BICD1: variants seen among roughly 807,000 people sequenced by gnomAD.
BICD1 encodes protein bicaudal D homolog 1.
A neutral mutation model predicts 92.5 loss-of-function variants in BICD1; 35 were observed. That is an observed-to-expected ratio of 0.38 (90% CI 0.29 to 0.50). BICD1 has a LOEUF of 0.50. BICD1 is among the 20% of genes least tolerant of loss of function. The probability of loss-of-function intolerance (pLI) is 0.93; values close to 1 mark genes in which losing one functional copy is unlikely to be tolerated. For synonymous variants in BICD1, 429 were observed against 465.1 expected (o/e 0.92, Z 1.00); for missense variants, 950 against 1,189.8 (o/e 0.80, Z 2.97).
chr12:32,130,525 G>A (rs753034624), intron 1 of BICD1, among the ~76,000 whole-genome samples: 10 of 152,154 alleles, frequency 6.6e-5, no homozygotes, highest in Non-Finnish European at 1.2e-4. Flanking sequence ...ATACAGTGTC[G>A]GAAAGTGTGT....
chr12:32,289,983 G>A (rs985190246), intron 2 of BICD1, among the ~76,000 whole-genome samples: 13 of 152,202 alleles, frequency 8.5e-5, no homozygotes, highest in African/African-American at 3.1e-4. Context: ...ACAGAGGGAA[G>A]CTGTAAAGGG....
chr12:32,375,177 G>T (rs1056291163), intron 9 of BICD1, among the ~76,000 whole-genome samples: 66 of 151,668 alleles, frequency 4.4e-4, no homozygotes, highest in Middle Eastern at 6.8e-3. Context: ...CGCCCGCCTT[G>T]GCCTCCTGAA....
At position 32,381,042 on chromosome 12, in the gene BICD1, A is replaced by T. The variant is rs978885596; in HGVS notation, c.*3415A>T. 5 of 152,084 alleles carry T rather than the reference A, an allele frequency of 3.3e-5. No homozygotes were observed. Among genetic ancestry groups the T allele is most frequent in the African/African-American group, 1.2e-4 (5 of 41,434 alleles). 9.4% of individuals were successfully genotyped at this position (152,084 alleles called of 1,614,324 possible). On this transcript the variant is annotated 3_prime_UTR_variant, in exon 10 of 10. Coordinates refer to ENST00000652176, the MANE Select transcript of BICD1 (RefSeq NM_001714.4). ...AAGTATTAAGTGGCAAGATAGGAGAATGCATTTCAGTTCTGGGAGCTCATA... is the reference window on the plus strand; with the variant it reads ...AAGTATTAAGTGGCAAGATAGGAGATTGCATTTCAGTTCTGGGAGCTCATA...
At chr12:32,243,145 C>T (rs900747176) in intron 2 of BICD1, among the ~76,000 whole-genome samples, 5 of 151,452 alleles carry the variant, frequency 3.3e-5, no homozygotes, top group East Asian at 3.9e-4. Context: ...TTGCCCAGGC[C>T]GGAGTGCAGT....
intron 1 of BICD1, among the ~76,000 whole-genome samples, chr12:32,136,949 G>C (rs1202531652): frequency 6.6e-6 from 1 of 152,068 alleles, no homozygotes; most frequent in Non-Finnish European, 1.5e-5. Context: ...CTTTATTTAG[G>C]AGCTATATTA....
intron 1 of BICD1, among the ~76,000 whole-genome samples, chr12:32,206,457 T>C (rs890111036): frequency 6.6e-6 from 1 of 151,956 alleles, no homozygotes; most frequent in African/African-American, 2.4e-5. Flanking sequence ...AATACAAAAA[T>C]TAGCTGGGTG....
chr12:32,358,817 G>GT (rs1939217908), intron 8 of BICD1, among the ~76,000 whole-genome samples: 1 of 152,160 alleles, frequency 6.6e-6, no homozygotes, highest in African/African-American at 2.4e-5. Context: ...ATCTCATAGA[G>GT]TTTTTACAAG....
rs117726023 is a variant in BICD1, at chr12:32,224,671, C to T, written c.426+8212C>T. Among the ~76,000 whole-genome samples the T allele has an allele frequency of 5.6e-3, 849 of 152,256 alleles. 6 individuals are homozygous for T. The highest frequency in any genetic ancestry group is 0.018 in the East Asian group (93 of 5,176). On this transcript the variant is annotated intron_variant, in intron 2 of 9. Transcript: ENST00000652176. The stretch of plus-strand genomic sequence containing the variant: ...TAAGGATTAGTTTGCAATTCAGGCT[C>T]ATAGAATTTTTGTGTGTGTGTATAC...
chr12:32,229,095 C>CA (rs1238151387), intron 2 of BICD1, among the ~76,000 whole-genome samples: 1 of 151,936 alleles, frequency 6.6e-6, no homozygotes, highest in Non-Finnish European at 1.5e-5. Context: ...ACTAAAAATA[C>CA]AAAAAATTAG....
At chr12:32,317,673 C>T (rs1394351051) in intron 4 of BICD1, among the ~76,000 whole-genome samples, 1 of 152,182 alleles carries the variant, frequency 6.6e-6, no homozygotes, top group Non-Finnish European at 1.5e-5. Flanking sequence ...CCTGTTCACT[C>T]TGATAGTAGT....
intron 8 of BICD1, chr12:32,352,672 A>T (rs1222678030): frequency 6.6e-6 from 1 of 152,028 alleles, no homozygotes; most frequent in Non-Finnish European, 1.5e-5. Flanking sequence ...ACAAAGAGAA[A>T]ATTAGTCTGT....
intron 1 of BICD1, among the ~76,000 whole-genome samples, chr12:32,199,961 C>T (rs1233029252): frequency 6.6e-6 from 1 of 152,116 alleles, no homozygotes. Flanking sequence ...CGTTACATTC[C>T]AGCCTTTGTA....
intron 2 of BICD1, among the ~76,000 whole-genome samples, chr12:32,275,186 A>G (rs1434227061): frequency 2.0e-5 from 3 of 152,210 alleles, no homozygotes; most frequent in Non-Finnish European, 4.4e-5. Context: ...TTACACGTAT[A>G]AATAAAATAC....
chr12:32,256,713 G>C (rs1240338793), intron 2 of BICD1, among the ~76,000 whole-genome samples: 1 of 152,182 alleles, frequency 6.6e-6, no homozygotes, highest in Non-Finnish European at 1.5e-5. Flanking sequence ...CCAATTGGCT[G>C]TGTCACTGTG....
intron 1 of BICD1, among the ~76,000 whole-genome samples, chr12:32,204,811 G>A (rs1393398824): frequency 6.6e-6 from 1 of 152,150 alleles, no homozygotes; most frequent in Non-Finnish European, 1.5e-5. Context: ...AATGTTCAAG[G>A]GGAATGCAGT....
In BICD1 at chr12:32,321,970, G is replaced by T. The variant is rs550281231; in HGVS notation, c.1006-5491G>T. Among the ~76,000 whole-genome samples, 67 of 152,272 alleles carry T rather than the reference G, an allele frequency of 4.4e-4. No homozygotes were observed. In the South Asian group the frequency reaches 0.014, roughly 31 times the overall value. ...GCCGAGATCACACCATTGCACTCCA[G>T]CCTGGGCGACAGAGTGAGACTCCGT... On this transcript the variant is annotated intron_variant, in intron 4 of 9. Transcript: ENST00000652176.
In BICD1 at chr12:32,190,745, G is replaced by C. The variant is rs565634138; in HGVS notation, c.214-25502G>C. Among the ~76,000 whole-genome samples, 8 of 152,236 alleles carry C rather than the reference G, an allele frequency of 5.3e-5. No individual in the cohort carries two copies. The South Asian group carries it at 8.3e-4, about 16-fold the overall frequency. On this transcript the variant is annotated intron_variant, in intron 1 of 9. Transcript: ENST00000652176. ...CCTGAATAACATTATAGACCAAGTG[G>C]ACCTAACAGACATACACAGACCATC... is the stretch of plus-strand genomic sequence containing the variant.
intron 3 of BICD1, among the ~76,000 whole-genome samples, chr12:32,305,418 T>C (rs1948185603): frequency 6.6e-6 from 1 of 151,728 alleles, no homozygotes; most frequent in African/African-American, 2.4e-5. Flanking sequence ...AAAATTGAAT[T>C]ATATAGAGAG....
At chr12:32,339,189 C>G (rs1938258180) in intron 8 of BICD1, 1 of 1,284,164 alleles carries the variant, frequency 7.8e-7, no homozygotes, top group African/African-American at 1.6e-5. Context: ...CATTTAACAG[C>G]CAAAGATGGC....
Sources: allele counts gnomAD v4.1 joint callset (sites outside exome capture counted in the v4.1 genomes callset), GRCh38; gene constraint gnomAD v4.1.1; transcripts MANE v1.5; gene names NCBI Gene and HGNC (gene_info 2026-07-23, HGNC 2026-07-21).